GABBR2: variants seen among roughly 807,000 people sequenced by gnomAD.
GABBR2 encodes the protein gamma-aminobutyric acid type B receptor subunit 2.
GABBR2 carries 23 observed loss-of-function variants against 105.6 expected under a neutral mutation model. The ratio of observed to expected loss-of-function variants is 0.22; its 90% CI spans 0.16 to 0.31. The LOEUF is 0.31. Ranked by LOEUF, GABBR2 falls within the 10% of genes least tolerant of loss-of-function variation. The pLI is 1.00. For missense variants in GABBR2, 734 were observed against 1,245.5 expected (o/e 0.59, Z 6.18); for synonymous variants, 478 against 499.7 (o/e 0.96, Z 0.58).
At position 98,430,579 on chromosome 9, in the gene GABBR2, T is replaced by G. The variant is rs143074147; in HGVS notation, c.1236+23402A>C. On this transcript the variant is annotated intron_variant, in intron 7 of 18. Transcript: ENST00000259455. ...GGATCCTTCTGCCTGTCTTTTCCTT[T>G]CTGCTGGTTCTTTCCCTGGTCTCAA... Among the ~76,000 whole-genome samples, 55 of 152,330 alleles carry G rather than the reference T, an allele frequency of 3.6e-4. 1 individual carries two copies. The highest frequency in any genetic ancestry group is 1.2e-3 in the African/African-American group (48 of 41,582).
intron 3 of GABBR2, among the ~76,000 whole-genome samples, chr9:98,508,584 C>T (rs540882431): frequency 5.7e-4 from 87 of 152,314 alleles, no homozygotes; most frequent in African/African-American, 1.9e-3. Flanking sequence ...GCTTTTCCAA[C>T]GGGCTTAAAA....
chr9:98,647,726 G>A (rs980090086), intron 1 of GABBR2, among the ~76,000 whole-genome samples: 13 of 152,184 alleles, frequency 8.5e-5, no homozygotes, highest in African/African-American at 2.9e-4. Flanking sequence ...GAGAAGAAAT[G>A]CAAGAGGGTA....
chr9:98,509,045 C>T (rs1003833849), intron 3 of GABBR2, among the ~76,000 whole-genome samples: 1 of 152,192 alleles, frequency 6.6e-6, no homozygotes. Flanking sequence ...ACACCTCACA[C>T]GACTGGGTAC....
chr9:98,472,453 G>A (rs1046184160), intron 6 of GABBR2, among the ~76,000 whole-genome samples: 2 of 152,204 alleles, frequency 1.3e-5, no homozygotes, highest in South Asian at 2.1e-4. Context: ...GCTCACAGTC[G>A]TGACAGCATC....
chr9:98,417,108 T>C (rs1832702602), intron 7 of GABBR2, among the ~76,000 whole-genome samples: 2 of 152,210 alleles, frequency 1.3e-5, no homozygotes, highest in South Asian at 2.1e-4. Context: ...GAAAGTGCTC[T>C]TTCCTCTTCA....
intron 1 of GABBR2, among the ~76,000 whole-genome samples, chr9:98,580,475 G>T (rs925739631): frequency 1.8e-4 from 27 of 152,202 alleles, no homozygotes. Flanking sequence ...TTGGAGAGGG[G>T]CCTCAGTAAA....
At chr9:98,372,245 C>T (rs1054426932) in intron 11 of GABBR2, among the ~76,000 whole-genome samples, 2 of 152,204 alleles carry the variant, frequency 1.3e-5, no homozygotes, top group Non-Finnish European at 2.9e-5. Context: ...TAGGGGCCTC[C>T]AGGACGCCCA....
intron 1 of GABBR2, among the ~76,000 whole-genome samples, chr9:98,636,058 C>T (rs940531239): frequency 6.6e-6 from 1 of 152,134 alleles, no homozygotes; most frequent in Non-Finnish European, 1.5e-5. Context: ...GCAGATCTCA[C>T]CTGGGAAGTA....
At chr9:98,361,788 T>C (rs964370723) in intron 13 of GABBR2, among the ~76,000 whole-genome samples, 3 of 152,190 alleles carry the variant, frequency 2.0e-5, no homozygotes, top group Non-Finnish European at 4.4e-5. Flanking sequence ...CTATATGGCA[T>C]TCTCTGCTGC....
chr9:98,582,919 A>G (rs188565098), intron 1 of GABBR2, among the ~76,000 whole-genome samples: 6 of 152,302 alleles, frequency 3.9e-5, no homozygotes, highest in Non-Finnish European at 5.9e-5. Context: ...AGGACTAGAG[A>G]GAAGGGATTT....
intron 4 of GABBR2, among the ~76,000 whole-genome samples, chr9:98,483,631 T>G (rs1051430051): frequency 2.6e-5 from 4 of 152,350 alleles, no homozygotes; most frequent in African/African-American, 7.2e-5. Context: ...TTCATTCATT[T>G]ATTCATATTC....
chr9:98,442,828 G>A (rs1026114945), intron 7 of GABBR2, among the ~76,000 whole-genome samples: 6 of 152,160 alleles, frequency 3.9e-5, no homozygotes, highest in Admixed American at 6.5e-5. Context: ...AACCTCATCC[G>A]TATCTCTGCT....
chr9:98,468,549 A>C (rs1423820916), intron 6 of GABBR2, among the ~76,000 whole-genome samples: 4 of 152,240 alleles, frequency 2.6e-5, no homozygotes, highest in African/African-American at 9.6e-5. Context: ...ATAAAAACTA[A>C]TGCAAGAAAC....
At chr9:98,406,524 C>T (rs1832493435) in intron 7 of GABBR2, among the ~76,000 whole-genome samples, 1 of 152,236 alleles carries the variant, frequency 6.6e-6, no homozygotes, top group African/African-American at 2.4e-5. Flanking sequence ...TGACTCCTCT[C>T]CCTGTGCCCC....
intron 1 of GABBR2, among the ~76,000 whole-genome samples, chr9:98,604,302 T>C (rs1186960504): frequency 1.3e-5 from 2 of 152,190 alleles, no homozygotes; most frequent in African/African-American, 2.4e-5. Context: ...TTTCATCGGC[T>C]TTATTGAGCA....
intron 11 of GABBR2, among the ~76,000 whole-genome samples, chr9:98,376,325 G>T (rs544742473): frequency 6.6e-6 from 1 of 152,180 alleles, no homozygotes; most frequent in Non-Finnish European, 1.5e-5. Flanking sequence ...GACAGATGAC[G>T]CATGGGACTG....
chr9:98,442,368 G>T (rs1826047981), intron 7 of GABBR2, among the ~76,000 whole-genome samples: 2 of 152,314 alleles, frequency 1.3e-5, no homozygotes, highest in Admixed American at 1.3e-4. Flanking sequence ...TGTCCTTCTC[G>T]GGCTAGATTC....
intron 1 of GABBR2, among the ~76,000 whole-genome samples, chr9:98,683,962 C>T (rs1469337415): frequency 7.4e-6 from 1 of 136,006 alleles, no homozygotes. Context: ...GAGCCGAGAT[C>T]TCGCCACTGA....
intron 13 of GABBR2, among the ~76,000 whole-genome samples, chr9:98,328,968 C>T (rs1830974899): frequency 6.6e-6 from 1 of 152,140 alleles, no homozygotes; most frequent in Non-Finnish European, 1.5e-5. Context: ...CACCATGTAA[C>T]CTTATCATTA....
Sources: allele counts gnomAD v4.1 joint callset (sites outside exome capture counted in the v4.1 genomes callset), GRCh38; gene constraint gnomAD v4.1.1; transcripts MANE v1.5; gene names NCBI Gene and HGNC (gene_info 2026-07-23, HGNC 2026-07-21).